The following NTF4 variants were observed in gnomAD, a reference collection of about 807,000 sequenced individuals.
The protein encoded by NTF4 is neurotrophin-4.
In NTF4, 2 loss-of-function variants were observed where a neutral mutation model predicts 4.4. The observed-to-expected ratio is 0.46, with a 90% CI of 0.19 to 1.44. The LOEUF (loss-of-function observed/expected upper bound fraction) is 1.44, where lower values mean the gene tolerates loss of function less well. Ranked by LOEUF, NTF4 falls within the 40% of genes most tolerant of loss-of-function variation. NTF4 has a pLI of 0.26. For missense variants in NTF4, 260 were observed against 293.0 expected, an observed-to-expected ratio of 0.89 and a Z score of 0.82; for synonymous variants, 127 against 122.0, an observed-to-expected ratio of 1.04 and a Z score of -0.27.
downstream of NTF4, chr19:49,058,957 GGA>G (rs1194461751): frequency 3.3e-5 from 5 of 153,298 alleles, no homozygotes; most frequent in African/African-American, 9.6e-5. Context: ...AGTGGGGGAT[GGA>G]GAGTCAGAAA....
chr19:49,059,392 G>C (rs2040105130), downstream of NTF4, among the ~76,000 whole-genome samples: 1 of 152,138 alleles, frequency 6.6e-6, no homozygotes, highest in Admixed American at 6.5e-5. Context: ...TTTGATGAGT[G>C]AGGAATAAAT....
upstream of NTF4, chr19:49,062,107 T>C (rs541732580): frequency 5.9e-5 from 79 of 1,336,572 alleles, no homozygotes; most frequent in Admixed American, 9.1e-4. Context: ...CCTGCCAGGA[T>C]TGTGGGGAAG....
rs552406043 is a variant in NTF4, at chr19:49,061,614, G to T, written c.384C>A (p.Gly128=). 6.2e-7 allele frequency: 1 copy of T among 1,613,576 alleles called. No individual in the cohort carries two copies. Among genetic ancestry groups the T allele is most frequent in the South Asian group, 1.1e-5 (1 of 91,084 alleles). ...AGAAGTACTGGCGGAGGGGACTGCC[G>T]CCAGCTGCAGGCACCTCGCCCAACA... Residue 128 remains glycine (G), a synonymous_variant, in exon 1 of 1, where the codon GGC becomes GGA. Transcript: ENST00000593537. The surrounding 1 kb of genome is among the most constrained non-coding windows in gnomAD (Gnocchi z 4.9).
At chr19:49,062,361 G>A (rs558518778), upstream of NTF4, among the ~76,000 whole-genome samples, 6 of 152,272 alleles carry the variant, frequency 3.9e-5, no homozygotes, top group Non-Finnish European at 5.9e-5. Context: ...AGTGCTGCAC[G>A]CCTGTAATCC....
At chr19:49,062,862 CAGGCTCAG>C (rs1001047979), upstream of NTF4, among the ~76,000 whole-genome samples, 2 of 152,130 alleles carry the variant, frequency 1.3e-5, no homozygotes, top group African/African-American at 4.8e-5. Flanking sequence ...TGTTGAAATA[CAGGCTCAG>C]AGAAGTTAAT....
Position 49,061,301 on chromosome 19 carries a change from G to A in NTF4, c.*64C>T. On this transcript the variant is annotated 3_prime_UTR_variant, in exon 1 of 1. Transcript: ENST00000593537. The surrounding 1 kb of genome is among the most constrained non-coding windows in gnomAD (Gnocchi z 4.9). ...ATGAGTTCCCAAACTGGGGTCCTTA[G>A]ATCAGCTGGGCCATCCCTGAGGTCT... is the stretch of plus-strand genomic sequence containing the variant. The A allele has an allele frequency of 1.2e-6, 2 of 1,604,576 alleles. No individual in the cohort carries two copies. The highest frequency in any genetic ancestry group is 1.7e-6 in the Non-Finnish European group (2 of 1,178,900).
At chr19:49,062,856 G>A (rs2040170058), upstream of NTF4, among the ~76,000 whole-genome samples, 1 of 152,128 alleles carries the variant, frequency 6.6e-6, no homozygotes, top group Admixed American at 6.5e-5. Flanking sequence ...AACAGATGTT[G>A]AAATACAGGC....
chr19:49,061,571 C>G lies in NTF4; in HGVS notation c.427G>C (p.Ala143Pro). The G allele has an allele frequency of 6.2e-7, 1 of 1,614,178 alleles. No individual in the cohort carries two copies. The highest frequency in any genetic ancestry group is 8.5e-7 in the Non-Finnish European group (1 of 1,180,046). ...GGGCCACCTTCCTCAGCGTTATCAGCCTTGCAGCGGGTTTCAAAGAAGTAC... is the reference window on the plus strand; with the variant it reads ...GGGCCACCTTCCTCAGCGTTATCAGGCTTGCAGCGGGTTTCAAAGAAGTAC... Residue 143 changes from alanine to proline, a missense_variant, in exon 1 of 1, where the codon GCT becomes CCT. Transcript: ENST00000593537. This position sits in a 1 kb window ranked among gnomAD's most constrained non-coding sequence, Gnocchi z 4.9.
chr19:49,059,457 G>T (rs187687974), downstream of NTF4, among the ~76,000 whole-genome samples: 292 of 152,290 alleles, frequency 1.9e-3, 4 homozygotes, highest in Non-Finnish European at 4.0e-4. Flanking sequence ...TGGAAAGGGA[G>T]CTATTAGTAC....
chr19:49,060,036 C>CAAAAACAAAAAAA (rs2040113801), downstream of NTF4, among the ~76,000 whole-genome samples: 3 of 28,426 alleles, frequency 1.1e-4, no homozygotes, highest in African/African-American at 5.2e-4. Flanking sequence ...GACTCCATCT[C>CAAAAACAAAAAAA]AAAAAAAAAA....
upstream of NTF4, among the ~76,000 whole-genome samples, chr19:49,063,530 C>A (rs570129068): frequency 6.6e-6 from 1 of 152,088 alleles, no homozygotes; most frequent in African/African-American, 2.4e-5. Context: ...CCTAGGGAGA[C>A]CCCAGTTCAC....
chr19:49,061,985 G>C lies in NTF4; in HGVS notation c.13C>G (p.Pro5Ala). 1 of 1,472,530 alleles carries C rather than the reference G, an allele frequency of 6.8e-7. No homozygotes were observed. The highest frequency in any genetic ancestry group is 9.1e-7 in the Non-Finnish European group (1 of 1,103,828). 91.2% of individuals were successfully genotyped at this position (1,472,530 alleles called of 1,614,324 possible). Residue 5 changes from proline to alanine, a missense_variant, in exon 1 of 1, where the codon CCC becomes GCC. Transcript: ENST00000593537. This position sits in a 1 kb window ranked among gnomAD's most constrained non-coding sequence, Gnocchi z 4.9. ...AGGAGGATGGGGAGGGAGCATGAGG[G>C]GAGAGGGAGCATCTCTCGGAGCACC... is the stretch of plus-strand genomic sequence containing the variant.
chr19:49,058,923 C>T (rs1213077079), downstream of NTF4: 1 of 152,654 alleles, frequency 6.6e-6, no homozygotes, highest in East Asian at 1.9e-4. Context: ...ACAGGGACTC[C>T]AAGAGGGGCA....
chr19:49,062,857 A>C (rs1462027247), upstream of NTF4, among the ~76,000 whole-genome samples: 1 of 152,192 alleles, frequency 6.6e-6, no homozygotes, highest in Non-Finnish European at 1.5e-5. Flanking sequence ...ACAGATGTTG[A>C]AATACAGGCT....
chr19:49,059,795 C>T (rs2040111217), downstream of NTF4, among the ~76,000 whole-genome samples: 1 of 152,094 alleles, frequency 6.6e-6, no homozygotes, highest in African/African-American at 2.4e-5. Context: ...TGCCCGTAAT[C>T]CCAGCACTTT....
chr19:49,058,831 A>G (rs970779400), downstream of NTF4: 30 of 155,810 alleles, frequency 1.9e-4, no homozygotes, highest in African/African-American at 7.0e-4. Flanking sequence ...AGGTGACAGA[A>G]CCCGCCCACC....
chr19:49,058,582 CCG>C (rs1231586272), downstream of NTF4: 2 of 481,426 alleles, frequency 4.2e-6, no homozygotes, highest in African/African-American at 4.0e-5. Context: ...TCCCCAGGCC[CCG>C]CAGGGCTTCA....
At chr19:49,062,534 C>T (rs188431278), upstream of NTF4, among the ~76,000 whole-genome samples, 29 of 152,172 alleles carry the variant, frequency 1.9e-4, no homozygotes, top group Non-Finnish European at 2.9e-5. Context: ...CCTGTAATCC[C>T]GGCACTTTGG....
At chr19:49,064,579 A>G, upstream of NTF4, 1 of 150,244 alleles carries the variant, frequency 6.7e-6, no homozygotes, top group Non-Finnish European at 1.4e-5. Flanking sequence ...CAGACCCTGG[A>G]GTCCAGGTCC....
Sources: allele counts gnomAD v4.1 joint callset (sites outside exome capture counted in the v4.1 genomes callset), GRCh38; gene constraint gnomAD v4.1.1; non-coding constraint Gnocchi (gnomAD v3.1); transcripts MANE v1.5; gene names NCBI Gene and HGNC (gene_info 2026-07-23, HGNC 2026-07-21).